The following PIP4K2B variants were observed in gnomAD, a reference collection of about 807,000 sequenced individuals.
PIP4K2B encodes the protein phosphatidylinositol 5-phosphate 4-kinase type-2 beta.
PIP4K2B carries 3 observed loss-of-function variants against 42.0 expected under a neutral mutation model. That is an observed-to-expected ratio of 0.07 (90% CI 0.03 to 0.18). PIP4K2B has a LOEUF of 0.18. PIP4K2B is among the 10% of genes least tolerant of loss of function. PIP4K2B has a pLI of 1.00. For synonymous variants in PIP4K2B, 204 were observed against 210.1 expected (o/e 0.97, Z 0.25); for missense variants, 332 against 562.3 (o/e 0.59, Z 4.14).
rs372054684 is a variant in PIP4K2B, at chr17:38,769,307, T to C, written c.*384A>G. The stretch of plus-strand genomic sequence containing the variant: ...TGGGTAGGCTGATGAAATATGATTA[T>C]AAATAGCAAACCTGGAGCAATGAAA... On this transcript the variant is annotated 3_prime_UTR_variant, in exon 10 of 10. Transcript: ENST00000619039. 1.3e-4 allele frequency: 27 copies of C among 208,102 alleles called. No homozygotes were observed. Among genetic ancestry groups the C allele is most frequent in the East Asian group, 6.0e-4 (5 of 8,362 alleles). The allele number at this position is 208,102 out of a possible 1,614,324, so 12.9% of individuals were successfully genotyped here. A position where few individuals can be genotyped will look rare whatever the true frequency, so the allele number is the denominator to read the frequency against.
At chr17:38,795,099 C>CAAAAAAAAAAAAAAAAAAA (rs61707682) in intron 1 of PIP4K2B, among the ~76,000 whole-genome samples, 1 of 41,498 alleles carries the variant, frequency 2.4e-5, no homozygotes, top group Admixed American at 3.8e-4. Context: ...AACTCCATCT[C>CAAAAAAAAAAAAAAAAAAA]AAAAAAAAAA....
rs552650440 is a variant in PIP4K2B at position 38,774,290 on chromosome 17, T to A, written c.808-3018A>T. On this transcript the variant is annotated intron_variant, in intron 7 of 9. Coordinates refer to ENST00000619039, the MANE Select transcript of PIP4K2B (RefSeq NM_003559.5). ...CCCTCCCCAGTGTGGATGGGCATCA[T>A]CCAATCAGCAGAAGGCCTGAAGAGA... 3.3e-5 allele frequency among the ~76,000 whole-genome samples: 5 copies of A among 152,240 alleles called. No homozygotes were observed. The South Asian group carries it at 1.0e-3, about 32-fold the overall frequency.
At chr17:38,783,193 C>T (rs1909806378) in intron 3 of PIP4K2B, among the ~76,000 whole-genome samples, 1 of 30,956 alleles carries the variant, frequency 3.2e-5, no homozygotes, top group South Asian at 1.1e-3. Context: ...GAAACTCCAT[C>T]TCAAAAAAAA....
chr17:38,784,113 G>A, intron 3 of PIP4K2B, 130 bp downstream of exon 3: 1 of 619,016 alleles, frequency 1.6e-6, no homozygotes, highest in Non-Finnish European at 2.9e-6. Context: ...AGACCGCCTG[G>A]GCTGGAGCAA....
chr17:38,785,032 C>G (rs1192067876), intron 2 of PIP4K2B, among the ~76,000 whole-genome samples: 1 of 152,208 alleles, frequency 6.6e-6, no homozygotes, highest in Admixed American at 6.5e-5. Flanking sequence ...TGGGCTTCCA[C>G]TGGGACGTAG....
At chr17:38,794,710 G>T (rs1484472852) in intron 1 of PIP4K2B, among the ~76,000 whole-genome samples, 1 of 148,282 alleles carries the variant, frequency 6.7e-6, no homozygotes, top group African/African-American at 2.5e-5. Context: ...TGTCTTCTTA[G>T]ATATAACACC....
chr17:38,770,962 G>C, intron 8 of PIP4K2B, 52 bp downstream of exon 8: 3 of 1,600,912 alleles, frequency 1.9e-6, no homozygotes, highest in Non-Finnish European at 2.6e-6. Context: ...AATGAGCTGA[G>C]GGGGTAGGAT....
chr17:38,796,552 T>C (rs1245483712), intron 1 of PIP4K2B, among the ~76,000 whole-genome samples: 1 of 152,188 alleles, frequency 6.6e-6, no homozygotes, highest in East Asian at 1.9e-4. Context: ...CCCTGACAGG[T>C]GCAAAGTCTT....
intron 1 of PIP4K2B, among the ~76,000 whole-genome samples, chr17:38,787,497 C>G (rs978656025): frequency 2.0e-5 from 3 of 152,340 alleles, no homozygotes. Flanking sequence ...TTCTTTGTAT[C>G]TGTCTTCTGG....
chr17:38,776,693 T>C (rs1173469971), intron 7 of PIP4K2B: 3 of 396,834 alleles, frequency 7.6e-6, no homozygotes, highest in African/African-American at 6.4e-5. Flanking sequence ...TTACCACAAT[T>C]AAAAAAAATT....
chr17:38,785,813 GC>G (rs1394567057), intron 2 of PIP4K2B, among the ~76,000 whole-genome samples: 2 of 152,184 alleles, frequency 1.3e-5, no homozygotes, highest in Non-Finnish European at 2.9e-5. Context: ...CTCACCAGAG[GC>G]CATGGACCCT....
At position 38,767,441 on chromosome 17, in the gene PIP4K2B, TCAA is replaced by T. The variant is rs1908761282; in HGVS notation, c.*2247_*2249del. On this transcript the variant is annotated 3_prime_UTR_variant, in exon 10 of 10. Transcript: ENST00000619039. ...CACAGCTCAAAATGTTATGACCCAG[TCAA>T]CAATACTGTCAGAAAAACAAAAAGC... 1 of 151,932 alleles carries T rather than the reference TCAA, an allele frequency of 6.6e-6. No homozygotes were observed. The highest frequency in any genetic ancestry group is 2.4e-5 in the African/African-American group (1 of 41,288). 9.4% of individuals were successfully genotyped at this position (151,932 alleles called of 1,614,324 possible). A position where few individuals can be genotyped will look rare whatever the true frequency, so the allele number is the denominator to read the frequency against.
At chr17:38,780,677 A>G (rs1404892411) in intron 3 of PIP4K2B, 73 bp from the exon 4 acceptor site, 8 of 1,502,022 alleles carry the variant, frequency 5.3e-6, no homozygotes, top group Non-Finnish European at 6.4e-6. Context: ...GTCTTCCCTC[A>G]GGGGCTGGAC....
chr17:38,786,335 G>A (rs998544384), intron 2 of PIP4K2B, among the ~76,000 whole-genome samples: 13 of 152,152 alleles, frequency 8.5e-5, no homozygotes, highest in African/African-American at 2.2e-4. Context: ...TCCAAGAAGC[G>A]ACAGCAGACA....
intron 1 of PIP4K2B, among the ~76,000 whole-genome samples, chr17:38,797,395 C>A (rs1328638444): frequency 1.3e-5 from 2 of 152,116 alleles, no homozygotes; most frequent in African/African-American, 2.4e-5. Context: ...CTTCTCTAAC[C>A]GGACTATACT....
At chr17:38,781,438 T>A (rs548264803) in intron 3 of PIP4K2B, among the ~76,000 whole-genome samples, 17 of 152,272 alleles carry the variant, frequency 1.1e-4, no homozygotes, top group African/African-American at 3.9e-4. Context: ...AGTGTCCCTG[T>A]TCCCAAGAAA....
At chr17:38,791,111 G>A (rs1054443140) in intron 1 of PIP4K2B, among the ~76,000 whole-genome samples, 5 of 152,144 alleles carry the variant, frequency 3.3e-5, no homozygotes, top group Non-Finnish European at 2.9e-5. Flanking sequence ...AAAGCAGTAT[G>A]CAATTAAGTG....
intron 3 of PIP4K2B, among the ~76,000 whole-genome samples, chr17:38,783,195 C>CAAAAAAAAA (rs35913511): frequency 1.8e-5 from 1 of 55,902 alleles, no homozygotes; most frequent in African/African-American, 9.0e-5. Flanking sequence ...AACTCCATCT[C>CAAAAAAAAA]AAAAAAAAAA....
Position 38,771,001 on chromosome 17 carries a change from G to A in PIP4K2B, c.1066+13C>T. 6.2e-7 allele frequency: 1 copy of A among 1,614,036 alleles called. No individual in the cohort carries two copies. Among genetic ancestry groups the A allele is most frequent in the Non-Finnish European group, 8.5e-7 (1 of 1,179,940 alleles). On this transcript the variant is annotated intron_variant, in intron 8 of 9. Coordinates refer to ENST00000619039, the MANE Select transcript of PIP4K2B (RefSeq NM_003559.5). ...GGCAGGGCTGTGCAGAGCAGGCGCA[G>A]GCTCTGACTTACTTTCATGGCTTTT...
Sources: allele counts gnomAD v4.1 joint callset (sites outside exome capture counted in the v4.1 genomes callset), GRCh38; gene constraint gnomAD v4.1.1; transcripts MANE v1.5; gene names NCBI Gene and HGNC (gene_info 2026-07-23, HGNC 2026-07-21).